Variants in MDGA2 observed in about 807,000 individuals in gnomAD.
The protein encoded by MDGA2 is MAM domain containing glycosylphosphatidylinositol anchor 2, also known as MAM domain-containing glycosylphosphatidylinositol anchor protein 2.
A neutral mutation model predicts 117.8 loss-of-function variants in MDGA2; 40 were observed. That is an observed-to-expected ratio of 0.34 (90% CI 0.26 to 0.44). The LOEUF (loss-of-function observed/expected upper bound fraction) is 0.44. MDGA2 is among the 20% of genes least tolerant of loss of function. The pLI is 1.00. For synonymous variants in MDGA2, 452 were observed against 439.0 expected, an observed-to-expected ratio of 1.03 and a Z score of -0.37; for missense variants, 1,123 against 1,250.6, an observed-to-expected ratio of 0.90 and a Z score of 1.54.
intron 10 of MDGA2, among the ~76,000 whole-genome samples, chr14:46,889,179 G>C (rs560798910): frequency 6.6e-6 from 1 of 151,948 alleles, no homozygotes; most frequent in Non-Finnish European, 1.5e-5. Flanking sequence ...TTTTCTACTA[G>C]TAATAGCAAA....
At chr14:47,355,986 C>T (rs947703866) in intron 1 of MDGA2, among the ~76,000 whole-genome samples, 2 of 152,166 alleles carry the variant, frequency 1.3e-5, no homozygotes, top group African/African-American at 4.8e-5. Flanking sequence ...TTGACCTGTA[C>T]AAGCCAAGAG....
At chr14:47,273,784 C>G (rs753375187) in intron 2 of MDGA2, among the ~76,000 whole-genome samples, 9 of 152,104 alleles carry the variant, frequency 5.9e-5, no homozygotes, top group Non-Finnish European at 1.0e-4. Context: ...TAGTGAAGTT[C>G]AGTTGTATGC....
chr14:47,315,008 A>G (rs1356059272), intron 1 of MDGA2, among the ~76,000 whole-genome samples: 1 of 152,118 alleles, frequency 6.6e-6, no homozygotes, highest in Admixed American at 6.6e-5. Flanking sequence ...TGATGCTTGG[A>G]AAAGTTAATT....
At chr14:47,352,517 A>C (rs1350487312) in intron 1 of MDGA2, among the ~76,000 whole-genome samples, 1 of 152,208 alleles carries the variant, frequency 6.6e-6, no homozygotes, top group African/African-American at 2.4e-5. Context: ...TTTATTGCTC[A>C]CACAAAGCCT....
At chr14:47,131,693 C>T (rs1304609758) in intron 5 of MDGA2, 21 bp downstream of exon 5, 1 of 1,473,848 alleles carries the variant, frequency 6.8e-7, no homozygotes, top group Non-Finnish European at 9.2e-7. Flanking sequence ...ATACATGTAA[C>T]ATACAGAGAT....
intron 1 of MDGA2, among the ~76,000 whole-genome samples, chr14:47,383,548 C>CT (rs761867981): frequency 4.6e-5 from 7 of 151,894 alleles, no homozygotes; most frequent in South Asian, 2.1e-4. Flanking sequence ...TCTTGAATTT[C>CT]TTTTTTTCGA....
chr14:46,933,252 A>G (rs1884646958), intron 9 of MDGA2, among the ~76,000 whole-genome samples: 1 of 152,074 alleles, frequency 6.6e-6, no homozygotes. Context: ...GAAAATCAAG[A>G]GACTTTACTC....
chr14:47,037,682 T>C (rs985072256), intron 7 of MDGA2, among the ~76,000 whole-genome samples: 2 of 152,212 alleles, frequency 1.3e-5, no homozygotes, highest in South Asian at 2.1e-4. Flanking sequence ...CCAACATCTA[T>C]ATTTCTTAAA....
At chr14:47,060,672 G>T (rs1180558056) in intron 7 of MDGA2, among the ~76,000 whole-genome samples, 1 of 151,918 alleles carries the variant, frequency 6.6e-6, no homozygotes, top group Non-Finnish European at 1.5e-5. Context: ...AACTTTAAAA[G>T]AAAGAATTTC....
At chr14:47,637,530 A>G (rs560521037) in intron 1 of MDGA2, among the ~76,000 whole-genome samples, 6 of 152,322 alleles carry the variant, frequency 3.9e-5, no homozygotes, top group Admixed American at 3.9e-4. Flanking sequence ...TTCCAAGAAT[A>G]TCCTGGTGAA....
chr14:47,595,478 G>A (rs986317240), intron 1 of MDGA2, among the ~76,000 whole-genome samples: 1 of 146,724 alleles, frequency 6.8e-6, no homozygotes, highest in Non-Finnish European at 1.5e-5. Flanking sequence ...AGGTTTCAGT[G>A]AGCCAAGATC....
intron 2 of MDGA2, among the ~76,000 whole-genome samples, chr14:47,287,783 A>C (rs1470987983): frequency 3.3e-5 from 5 of 152,174 alleles, no homozygotes; most frequent in Non-Finnish European, 7.3e-5. Flanking sequence ...AAGGTGTTGC[A>C]GGTATAACTA....
chr14:47,248,750 G>A (rs545842191), intron 2 of MDGA2, among the ~76,000 whole-genome samples: 15 of 152,012 alleles, frequency 9.9e-5, no homozygotes, highest in African/African-American at 2.2e-4. Flanking sequence ...TAAAAGCAAC[G>A]GAGTATTAGG....
rs750392635 is a variant in MDGA2 at position 47,583,840 on chromosome 14, G to A, written c.280+90677C>T. On this transcript the variant is annotated intron_variant, in intron 1 of 16. Transcript: ENST00000399232. ...AGCATTTTCTCCGAAGAGCTTAGTC[G>A]TCCCTTTAGTCTTTTATTTTTAATT... Among the ~76,000 whole-genome samples the A allele has an allele frequency of 7.8e-4, 119 of 151,654 alleles. 3 individuals are homozygous for A. The highest frequency in any genetic ancestry group is 4.1e-4 in the African/African-American group (17 of 41,346).
chr14:46,857,182 T>C (rs952782716), intron 14 of MDGA2, among the ~76,000 whole-genome samples: 1 of 152,236 alleles, frequency 6.6e-6, no homozygotes, highest in Non-Finnish European at 1.5e-5. Context: ...AAAGGAAATA[T>C]GGCGTTTCAA....
At chr14:47,049,499 TTTA>T (rs1307730608) in intron 7 of MDGA2, among the ~76,000 whole-genome samples, 4 of 152,224 alleles carry the variant, frequency 2.6e-5, no homozygotes, top group African/African-American at 9.6e-5. Context: ...TTGTATAATT[TTTA>T]TTGTTGTATT....
At chr14:47,090,971 G>A (rs2138946963) in intron 6 of MDGA2, among the ~76,000 whole-genome samples, 1 of 152,230 alleles carries the variant, frequency 6.6e-6, no homozygotes, top group East Asian at 1.9e-4. Context: ...TTTTAGCTGA[G>A]CCTCTCAACT....
intron 2 of MDGA2, among the ~76,000 whole-genome samples, chr14:47,292,756 A>G (rs574296490): frequency 1.3e-5 from 2 of 152,258 alleles, no homozygotes; most frequent in South Asian, 4.1e-4. Flanking sequence ...AATGATTGTG[A>G]TCTTCCATTA....
In MDGA2 at chr14:47,119,181, C is replaced by CGCCG. The variant is rs1491275347; in HGVS notation, c.925+12532_925+12533insCGGC. On this transcript the variant is annotated intron_variant, in intron 5 of 16. Coordinates refer to ENST00000399232, the MANE Select transcript of MDGA2 (RefSeq NM_001113498.3). Reference sequence around the variant, plus strand: ...TTCTCCTGCCTCAGCCCCGCCCCCCCCCCCCCACCCCGTAGCTGGGACTAC... The same window carrying CGCCG: ...TTCTCCTGCCTCAGCCCCGCCCCCCCGCCGCCCCCCACCCCGTAGCTGGGACTAC... 6.9e-5 allele frequency among the ~76,000 whole-genome samples: 4 copies of CGCCG among 58,308 alleles called. 1 individual carries two copies. The highest frequency in any genetic ancestry group is 5.3e-5 in the African/African-American group (1 of 18,976). 38.3% of individuals were successfully genotyped at this position (58,308 alleles called of 152,430 possible).
Sources: allele counts gnomAD v4.1 joint callset (sites outside exome capture counted in the v4.1 genomes callset), GRCh38; gene constraint gnomAD v4.1.1; transcripts MANE v1.5; gene names NCBI Gene and HGNC (gene_info 2026-07-23, HGNC 2026-07-21).